XRCC4: variants seen among roughly 807,000 people sequenced by gnomAD.
The protein encoded by XRCC4 is DNA repair protein XRCC4.
A neutral mutation model predicts 39.1 loss-of-function variants in XRCC4; 28 were observed. The observed-to-expected ratio is 0.72, with a 90% confidence interval of 0.53 to 0.98. The LOEUF is 0.98. Among genes scored for constraint, XRCC4 ranks in the 50% least tolerant of loss-of-function variants. XRCC4 has a pLI of 0.00. For synonymous variants in XRCC4, 123 were observed against 126.4 expected (o/e 0.97, Z 0.18); for missense variants, 350 against 376.4 (o/e 0.93, Z 0.58).
intron 3 of XRCC4, among the ~76,000 whole-genome samples, chr5:83,191,093 T>C (rs754508885): frequency 2.6e-5 from 4 of 152,062 alleles, no homozygotes; most frequent in Non-Finnish European, 5.9e-5. Context: ...ATGGAAGAAA[T>C]AGAAAAGAGG....
chr5:83,288,980 T>C (rs185681481), intron 7 of XRCC4, among the ~76,000 whole-genome samples: 36 of 152,008 alleles, frequency 2.4e-4, no homozygotes, highest in Non-Finnish European at 1.5e-4. Flanking sequence ...CTTTTATCTC[T>C]TTCAGTTTAT....
intron 2 of XRCC4, among the ~76,000 whole-genome samples, chr5:83,110,680 C>T (rs540041665): frequency 2.0e-5 from 3 of 152,148 alleles, no homozygotes. Flanking sequence ...TTATAAAATA[C>T]TGAACTTATT....
intron 7 of XRCC4, among the ~76,000 whole-genome samples, chr5:83,350,547 G>C (rs1477141728): frequency 6.6e-6 from 1 of 151,834 alleles, no homozygotes; most frequent in Non-Finnish European, 1.5e-5. Context: ...TCATATGTTT[G>C]TTGGTTGCTT....
Position 83,258,610 on chromosome 5 carries a change from A to T in XRCC4, c.826A>T (p.Met276Leu), listed in dbSNP as rs781093352. 6.2e-7 allele frequency: 1 copy of T among 1,611,792 alleles called. No homozygotes were observed. Among genetic ancestry groups the T allele is most frequent in the Non-Finnish European group, 8.5e-7 (1 of 1,179,212 alleles). The stretch of plus-strand genomic sequence containing the variant: ...ACCAAGTAGAAAAAGGAGACAGCGA[A>T]TGCAAAGAAATCTTGGGACAGAACC... ...IAPSRKRRQR[M>L]QRNLGTEPKM... Residue 276 changes from methionine (M) to leucine (L), a missense_variant, in exon 7 of 8, where the codon ATG (methionine) becomes TTG (leucine). By Grantham distance (15) the Met-to-Leu change is conservative. Coordinates refer to ENST00000396027, the MANE Select transcript of XRCC4 (RefSeq NM_003401.5).
chr5:83,214,360 G>A (rs1224539773), intron 6 of XRCC4, among the ~76,000 whole-genome samples: 1 of 152,110 alleles, frequency 6.6e-6, no homozygotes, highest in Admixed American at 6.6e-5. Context: ...AGGTTACAGT[G>A]TACAAGATCA....
At chr5:83,262,361 A>C (rs969512246) in intron 7 of XRCC4, among the ~76,000 whole-genome samples, 1 of 152,120 alleles carries the variant, frequency 6.6e-6, no homozygotes, top group Non-Finnish European at 1.5e-5. Flanking sequence ...TAAAGTTCTA[A>C]ATTGAAATAT....
intron 6 of XRCC4, among the ~76,000 whole-genome samples, chr5:83,256,976 C>G (rs1448741692): frequency 6.6e-6 from 1 of 151,486 alleles, no homozygotes; most frequent in Non-Finnish European, 1.5e-5. Flanking sequence ...CATGGAAAAC[C>G]CATAGCAAAG....
chr5:83,120,028 C>T (rs998115357), intron 3 of XRCC4, among the ~76,000 whole-genome samples: 1 of 140,952 alleles, frequency 7.1e-6, no homozygotes, highest in African/African-American at 2.6e-5. Context: ...ATAACAGAAA[C>T]AAAAACAAAC....
rs374377372 is a variant in XRCC4, at chr5:83,258,563, G to C, written c.779G>C (p.Ser260Thr). The C allele has an allele frequency of 6.2e-7, 1 of 1,608,432 alleles. No individual in the cohort carries two copies. The highest frequency in any genetic ancestry group is 8.5e-7 in the Non-Finnish European group (1 of 1,178,490). Reference protein sequence around the residue: ...AVSKDDSIISSLDVTDIAPSR... With the variant: ...AVSKDDSIISTLDVTDIAPSR... ...AGTAAAGATGATTCCATTATTTCAA[G>C]TCTTGATGTCACTGATATTGCACCA... Residue 260 changes from serine to threonine, a missense_variant, in exon 7 of 8, where the codon AGT (serine) becomes ACT (threonine). Ser to Thr is a moderately conservative substitution (Grantham distance 58). Coordinates refer to ENST00000396027, the MANE Select transcript of XRCC4 (RefSeq NM_003401.5).
In XRCC4 at chr5:83,281,978, G is replaced by A. The variant is rs368002342; in HGVS notation, c.893+23301G>A. Among the ~76,000 whole-genome samples the A allele has an allele frequency of 1.3e-4, 20 of 152,280 alleles. 1 individual carries two copies. In the South Asian group the frequency reaches 3.1e-3, roughly 24 times the overall value. ...AAGCTCATCCATTAGTCACCCAGTG[G>A]CATTTAACAGGAAGGAAATATTGGT... On this transcript the variant is annotated intron_variant, in intron 7 of 7. Coordinates refer to ENST00000396027, the MANE Select transcript of XRCC4 (RefSeq NM_003401.5).
chr5:83,095,048 A>C (rs921222515), intron 1 of XRCC4, among the ~76,000 whole-genome samples: 1 of 151,960 alleles, frequency 6.6e-6, no homozygotes, highest in Non-Finnish European at 1.5e-5. Flanking sequence ...CACCTTTTCC[A>C]GCTTTTACAG....
intron 7 of XRCC4, among the ~76,000 whole-genome samples, chr5:83,298,719 T>C (rs1755176765): frequency 6.6e-6 from 1 of 151,974 alleles, no homozygotes; most frequent in African/African-American, 2.4e-5. Context: ...GTTTCTCTTC[T>C]TTTAGTATCT....
In XRCC4 at chr5:83,284,626, A is replaced by T. The variant is rs185565423; in HGVS notation, c.893+25949A>T. On this transcript the variant is annotated intron_variant, in intron 7 of 7. Transcript: ENST00000396027. ...TAGGATTGAGCATAGAAGCTCATAG[A>T]TGTAAAATGGAATTTGATTTGTAAA... Among the ~76,000 whole-genome samples, 6 of 152,234 alleles carry T rather than the reference A, an allele frequency of 3.9e-5. No homozygotes were observed. The East Asian group carries it at 9.6e-4, about 24-fold the overall frequency.
intron 6 of XRCC4, among the ~76,000 whole-genome samples, chr5:83,244,625 C>T (rs1044154575): frequency 6.6e-6 from 1 of 152,114 alleles, no homozygotes; most frequent in Admixed American, 6.6e-5. Flanking sequence ...ACAGCTTTGC[C>T]TTATAAATTC....
At chr5:83,083,645 G>A (rs1307169603) in intron 1 of XRCC4, among the ~76,000 whole-genome samples, 4 of 150,558 alleles carry the variant, frequency 2.7e-5, no homozygotes, top group Non-Finnish European at 6.0e-5. Context: ...CAAAGTGCTG[G>A]GATTACAGGC....
At chr5:83,278,763 A>T (rs1754425193) in intron 7 of XRCC4, among the ~76,000 whole-genome samples, 1 of 151,954 alleles carries the variant, frequency 6.6e-6, no homozygotes. Context: ...AGGTGGGTGG[A>T]TTACCTGAGC....
At chr5:83,327,033 C>A (rs757185813) in intron 7 of XRCC4, among the ~76,000 whole-genome samples, 1 of 151,974 alleles carries the variant, frequency 6.6e-6, no homozygotes, top group Non-Finnish European at 1.5e-5. Flanking sequence ...GGAAATATTT[C>A]TATCTATATT....
chr5:83,318,228 A>C (rs1183360070), intron 7 of XRCC4, among the ~76,000 whole-genome samples: 1 of 135,078 alleles, frequency 7.4e-6, no homozygotes, highest in Non-Finnish European at 1.5e-5. Flanking sequence ...GCTATCTATG[A>C]CAAACCCACA....
intron 6 of XRCC4, among the ~76,000 whole-genome samples, chr5:83,224,767 G>A (rs548553936): frequency 3.3e-5 from 5 of 151,850 alleles, no homozygotes; most frequent in African/African-American, 9.7e-5. Flanking sequence ...ATTCCTCTGC[G>A]GAATTATTCA....
Sources: gnomAD v4.1 joint callset for allele counts (sites outside exome capture counted in the v4.1 genomes callset) on GRCh38, gnomAD v4.1.1 for gene constraint, MANE v1.5 for transcripts, NCBI Gene and HGNC (gene_info 2026-07-23, HGNC 2026-07-21) for gene names.